CSMD1: variants seen among roughly 807,000 people sequenced by gnomAD.
CSMD1 encodes CUB and Sushi multiple domains 1.
A neutral mutation model predicts 417.5 loss-of-function variants in CSMD1; 213 were observed. That is an observed-to-expected ratio of 0.51 (90% confidence interval 0.46 to 0.57). The LOEUF (loss-of-function observed/expected upper bound fraction) is 0.57, where lower values mean the gene tolerates loss of function less well. Ranked by LOEUF, CSMD1 falls within the 20% of genes least tolerant of loss-of-function variation. The pLI is 0.00. For missense variants in CSMD1, 6,923 were observed against 4,529.7 expected, an observed-to-expected ratio of 1.53 and a Z score of -15.17; for synonymous variants, 2,862 against 1,736.8, an observed-to-expected ratio of 1.65 and a Z score of -16.11.
At chr8:4,774,374 A>G (rs1416856555) in intron 1 of CSMD1, among the ~76,000 whole-genome samples, 1 of 152,188 alleles carries the variant, frequency 6.6e-6, no homozygotes, top group African/African-American at 2.4e-5. Flanking sequence ...AGAGAACCAA[A>G]GCATTCTTGA....
chr8:3,558,298 T>G (rs71521877), intron 10 of CSMD1, among the ~76,000 whole-genome samples: 2 of 97,772 alleles, frequency 2.0e-5, no homozygotes, highest in South Asian at 3.5e-4. Context: ...TCAATGGAAC[T>G]CCGTGTTCAC....
chr8:3,230,974 G>A (rs1015172012), intron 26 of CSMD1, among the ~76,000 whole-genome samples: 21 of 152,122 alleles, frequency 1.4e-4, no homozygotes, highest in Non-Finnish European at 2.2e-4. Flanking sequence ...TATCATATCA[G>A]TTTCTGGTAA....
At chr8:4,061,992 G>C (rs539439970) in intron 3 of CSMD1, among the ~76,000 whole-genome samples, 17 of 152,210 alleles carry the variant, frequency 1.1e-4, no homozygotes, top group African/African-American at 3.6e-4. Flanking sequence ...CTGCTGCCCT[G>C]TCTGAGAGGT....
At chr8:3,594,193 G>T (rs531561049) in intron 8 of CSMD1, among the ~76,000 whole-genome samples, 1 of 152,174 alleles carries the variant, frequency 6.6e-6, no homozygotes, top group African/African-American at 2.4e-5. Flanking sequence ...ATTTACGGCC[G>T]TCCCCAAATG....
intron 10 of CSMD1, among the ~76,000 whole-genome samples, chr8:3,561,450 C>A (rs1010443522): frequency 6.6e-6 from 1 of 152,182 alleles, no homozygotes; most frequent in African/African-American, 2.4e-5. Flanking sequence ...ACCACACAAT[C>A]ATAAAATGAT....
intron 23 of CSMD1, among the ~76,000 whole-genome samples, chr8:3,334,805 GTTC>G (rs201627725): frequency 0.011 from 1,701 of 152,304 alleles, 27 homozygotes; most frequent in African/African-American, 0.038. Flanking sequence ...TCTCTCTAAT[GTTC>G]TTTAAACTGA....
At chr8:3,960,765 G>C (rs1319126909) in intron 5 of CSMD1, among the ~76,000 whole-genome samples, 1 of 151,726 alleles carries the variant, frequency 6.6e-6, no homozygotes, top group Non-Finnish European at 1.5e-5. Context: ...AAATCAAGAA[G>C]TGATAAAAAC....
chr8:4,201,051 C>A (rs997894474), intron 3 of CSMD1, among the ~76,000 whole-genome samples: 3 of 152,154 alleles, frequency 2.0e-5, no homozygotes, highest in Non-Finnish European at 4.4e-5. Flanking sequence ...AATTCAAACA[C>A]CATTCACTAC....
At chr8:4,969,019 G>A (rs1404925912) in intron 1 of CSMD1, among the ~76,000 whole-genome samples, 2 of 152,148 alleles carry the variant, frequency 1.3e-5, no homozygotes, top group Admixed American at 6.5e-5. Flanking sequence ...GTCGCTTCTG[G>A]AAAGCCACTA....
intron 3 of CSMD1, among the ~76,000 whole-genome samples, chr8:4,115,191 C>T (rs867673905): frequency 1.3e-5 from 2 of 152,198 alleles, no homozygotes; most frequent in Non-Finnish European, 2.9e-5. Context: ...CAGCCTTCAG[C>T]AACTACCATC....
intron 7 of CSMD1, among the ~76,000 whole-genome samples, chr8:3,634,852 G>T (rs764973829): frequency 6.6e-6 from 1 of 152,080 alleles, no homozygotes; most frequent in Non-Finnish European, 1.5e-5. Flanking sequence ...ATCACACAGT[G>T]CACTGTGCAC....
Position 4,994,639 on chromosome 8 carries a change from G to A in CSMD1, c.-223C>T. On this transcript the variant is annotated 5_prime_UTR_variant, in exon 1 of 70. Transcript: ENST00000635120. ...ACTGCAGGGCTGAGCTGCTCCGAGC[G>A]CGGAGACCCGGGCTGGCGGGGCCGG... 2.2e-6 allele frequency: 1 copy of A among 456,248 alleles called. No homozygotes were observed. The highest frequency in any genetic ancestry group is 3.9e-6 in the Non-Finnish European group (1 of 256,834). 28.3% of individuals were successfully genotyped at this position (456,248 alleles called of 1,614,324 possible).
intron 3 of CSMD1, among the ~76,000 whole-genome samples, chr8:4,417,483 C>G (rs1055395055): frequency 2.0e-5 from 3 of 151,988 alleles, no homozygotes; most frequent in African/African-American, 4.8e-5. Context: ...ATGCAGCAGT[C>G]TGTTAATACT....
chr8:3,223,900 A>G (rs1253581310), intron 27 of CSMD1, 33 bp from the exon 28 acceptor site: 4 of 1,609,024 alleles, frequency 2.5e-6, no homozygotes, highest in Admixed American at 1.7e-5. Flanking sequence ...GAGAAAAAGT[A>G]AGGACAGCGA....
intron 1 of CSMD1, among the ~76,000 whole-genome samples, chr8:4,885,852 C>T (rs182949984): frequency 8.6e-5 from 13 of 151,942 alleles, no homozygotes; most frequent in East Asian, 1.9e-4. Context: ...TGTTTTTGCT[C>T]TTATCTGAAA....
At chr8:3,168,918 G>A (rs866618131) in intron 37 of CSMD1, among the ~76,000 whole-genome samples, 4 of 144,954 alleles carry the variant, frequency 2.8e-5, no homozygotes, top group Admixed American at 6.9e-5. Context: ...GAAGTAAAAT[G>A]TTCTCTCTCT....
chr8:3,762,818 C>G (rs954281273), intron 5 of CSMD1, among the ~76,000 whole-genome samples: 2 of 152,186 alleles, frequency 1.3e-5, no homozygotes, highest in Non-Finnish European at 2.9e-5. Context: ...ACCCACGCAG[C>G]CGTGTGTAAG....
intron 54 of CSMD1, among the ~76,000 whole-genome samples, chr8:2,997,275 C>A (rs1168261957): frequency 6.6e-6 from 1 of 152,216 alleles, no homozygotes; most frequent in Non-Finnish European, 1.5e-5. Flanking sequence ...AGCTGAGTAG[C>A]CAACTTCTAT....
intron 3 of CSMD1, among the ~76,000 whole-genome samples, chr8:4,418,428 A>G (rs964484844): frequency 2.0e-5 from 3 of 152,142 alleles, no homozygotes; most frequent in East Asian, 1.9e-4. Flanking sequence ...TTATTCATAT[A>G]GTGATTTCTC....
Sources: gnomAD v4.1 joint callset for allele counts (sites outside exome capture counted in the v4.1 genomes callset) on GRCh38, gnomAD v4.1.1 for gene constraint, MANE v1.5 for transcripts, NCBI Gene and HGNC (gene_info 2026-07-23, HGNC 2026-07-21) for gene names.